The following PID1 variants were observed in gnomAD, a reference collection of about 807,000 sequenced individuals.
PID1 encodes the protein phosphotyrosine interaction domain containing 1.
Under a neutral mutation model 19.1 loss-of-function variants are expected in PID1, and 10 were observed. The observed-to-expected ratio is 0.52, with a 90% CI of 0.32 to 0.89. The LOEUF is 0.89. Ranked by LOEUF, PID1 falls within the 40% of genes least tolerant of loss-of-function variation. The pLI, the probability that PID1 is intolerant of heterozygous loss-of-function variation, is 0.03. For missense variants in PID1, 248 were observed against 285.3 expected (o/e 0.87, Z 0.94); for synonymous variants, 130 against 116.0 (o/e 1.12, Z -0.78).
rs527596124 is a variant in PID1, at chr2:229,233,386, T to C, written c.30+37628A>G. 2.0e-5 allele frequency among the ~76,000 whole-genome samples: 3 copies of C among 151,914 alleles called. No homozygotes were observed. In the East Asian group the frequency reaches 5.8e-4, roughly 29 times the overall value. On this transcript the variant is annotated intron_variant, in intron 1 of 2. Coordinates refer to ENST00000392055, the MANE Select transcript of PID1 (RefSeq NM_001100818.2). ...TTGAACTACTTAATAGTTCTAGATG[T>C]ACATGGGCAGGGTGGGGATGGGGCT...
chr2:229,099,757 A>G (rs1387821769), intron 2 of PID1, among the ~76,000 whole-genome samples: 1 of 152,250 alleles, frequency 6.6e-6, no homozygotes, highest in Non-Finnish European at 1.5e-5. Context: ...GGAAAGAAGT[A>G]GAAAGTGATT....
At chr2:229,103,086 C>G (rs189576389) in intron 2 of PID1, among the ~76,000 whole-genome samples, 8 of 152,268 alleles carry the variant, frequency 5.3e-5, no homozygotes, top group Admixed American at 4.6e-4. Context: ...AAAGGTTCCT[C>G]TTTTTGAATC....
At chr2:229,030,465 T>C (rs1182922770) in intron 2 of PID1, among the ~76,000 whole-genome samples, 4 of 152,182 alleles carry the variant, frequency 2.6e-5, no homozygotes, top group Admixed American at 1.3e-4. Flanking sequence ...GAAAAAAGCA[T>C]ACGGAGGAAA....
intron 2 of PID1, among the ~76,000 whole-genome samples, chr2:229,085,711 T>C (rs929734287): frequency 2.0e-5 from 3 of 152,154 alleles, no homozygotes; most frequent in Non-Finnish European, 4.4e-5. Context: ...CAATCAAGTA[T>C]GCCCTTTGTC....
chr2:229,113,509 C>CATAT (rs3067619), intron 2 of PID1, among the ~76,000 whole-genome samples: 40,918 of 137,816 alleles, frequency 0.3, 6,341 homozygotes, highest in Non-Finnish European at 0.36. Flanking sequence ...TGTGTGTATA[C>CATAT]ATATATATAT....
intron 1 of PID1, among the ~76,000 whole-genome samples, chr2:229,168,497 T>C (rs1690647854): frequency 6.6e-6 from 1 of 152,196 alleles, no homozygotes; most frequent in African/African-American, 2.4e-5. Context: ...GTTGTCATTG[T>C]TTCTGCTATT....
chr2:229,045,325 T>C (rs55657175), intron 2 of PID1, among the ~76,000 whole-genome samples: 3,320 of 152,346 alleles, frequency 0.022, 57 homozygotes, highest in Admixed American at 0.036. Flanking sequence ...TAAGTGATAA[T>C]AGTTGATTAA....
At chr2:229,135,593 G>T (rs1314288689) in intron 2 of PID1, among the ~76,000 whole-genome samples, 1 of 152,146 alleles carries the variant, frequency 6.6e-6, no homozygotes, top group Non-Finnish European at 1.5e-5. Flanking sequence ...GCAAAGTATT[G>T]TATAGAAAGG....
At chr2:229,228,190 C>A in intron 1 of PID1, 1 of 370,274 alleles carries the variant, frequency 2.7e-6, no homozygotes, top group Non-Finnish European at 5.4e-6. Context: ...AGCAATTATT[C>A]ATCTCTACTT....
rs906449953 is a variant in PID1 at position 229,024,673 on chromosome 2, T to G, written c.*959A>C. The G allele has an allele frequency of 1.3e-5, 2 of 152,658 alleles. No homozygotes were observed. The highest frequency in any genetic ancestry group is 4.8e-5 in the African/African-American group (2 of 41,454). The allele number at this position is 152,658 out of a possible 1,614,324, so 9.5% of individuals were successfully genotyped here. Reference sequence around the variant, plus strand: ...CAGATTTGAAGCTTGCCATCAAGGATGCATCAGACAGGACCATTAATTAAA... The same window carrying G: ...CAGATTTGAAGCTTGCCATCAAGGAGGCATCAGACAGGACCATTAATTAAA... On this transcript the variant is annotated 3_prime_UTR_variant, in exon 3 of 3. Transcript: ENST00000392055.
intron 1 of PID1, among the ~76,000 whole-genome samples, chr2:229,212,199 C>G (rs1691752507): frequency 6.6e-6 from 1 of 152,150 alleles, no homozygotes; most frequent in African/African-American, 2.4e-5. Flanking sequence ...TTATTTTTTC[C>G]TAAGTCATGT....
intron 2 of PID1, among the ~76,000 whole-genome samples, chr2:229,137,630 G>A (rs896723287): frequency 6.6e-5 from 10 of 152,302 alleles, no homozygotes; most frequent in Admixed American, 2.0e-4. Flanking sequence ...TCTAGGTGCT[G>A]AAAGACTTAC....
At chr2:229,033,363 C>T (rs1693595157) in intron 2 of PID1, among the ~76,000 whole-genome samples, 1 of 152,106 alleles carries the variant, frequency 6.6e-6, no homozygotes, top group South Asian at 2.1e-4. Context: ...GAATGACAAG[C>T]CAAGAATAAA....
At chr2:229,252,617 G>A (rs1349615076) in intron 1 of PID1, among the ~76,000 whole-genome samples, 1 of 152,156 alleles carries the variant, frequency 6.6e-6, no homozygotes, top group Non-Finnish European at 1.5e-5. Context: ...ACATAAATTA[G>A]TAGGTTTTTT....
At chr2:229,067,960 T>C (rs558236658) in intron 2 of PID1, among the ~76,000 whole-genome samples, 1 of 152,314 alleles carries the variant, frequency 6.6e-6, no homozygotes, top group African/African-American at 2.4e-5. Context: ...AAAGCTTTCC[T>C]TGAAGTCTCC....
At position 229,024,700 on chromosome 2, in the gene PID1, A is replaced by C. The variant is rs2106159101; in HGVS notation, c.*932T>G. 6.5e-6 allele frequency: 1 copy of C among 152,754 alleles called. No homozygotes were observed. Among genetic ancestry groups the C allele is most frequent in the Non-Finnish European group, 1.5e-5 (1 of 68,032 alleles). 9.5% of individuals were successfully genotyped at this position (152,754 alleles called of 1,614,324 possible). A position where few individuals can be genotyped will look rare whatever the true frequency, so the allele number is the denominator to read the frequency against. ...CATCAGACAGGACCATTAATTAAATAAGTTACCATAAATCTCAGCTGGATA... is the reference window on the plus strand; with the variant it reads ...CATCAGACAGGACCATTAATTAAATCAGTTACCATAAATCTCAGCTGGATA... On this transcript the variant is annotated 3_prime_UTR_variant, in exon 3 of 3. Coordinates refer to ENST00000392055, the MANE Select transcript of PID1 (RefSeq NM_001100818.2).
At chr2:229,093,130 T>G (rs1445567447) in intron 2 of PID1, among the ~76,000 whole-genome samples, 1 of 60,340 alleles carries the variant, frequency 1.7e-5, no homozygotes, top group Non-Finnish European at 4.7e-5. Flanking sequence ...TTCTTTCTTT[T>G]TCTTTTTCTT....
chr2:229,126,515 T>C (rs777539842), intron 2 of PID1, among the ~76,000 whole-genome samples: 89 of 152,188 alleles, frequency 5.8e-4, no homozygotes, highest in Non-Finnish European at 1.0e-3. Context: ...TGTGAATTAA[T>C]GACTCTTCAT....
intron 1 of PID1, among the ~76,000 whole-genome samples, chr2:229,228,737 A>AG (rs1692137776): frequency 6.6e-6 from 1 of 151,306 alleles, no homozygotes; most frequent in African/African-American, 2.4e-5. Context: ...ACAAAAAGGT[A>AG]TCTGCTAAAA....
Sources: allele counts gnomAD v4.1 joint callset (sites outside exome capture counted in the v4.1 genomes callset), GRCh38; gene constraint gnomAD v4.1.1; transcripts MANE v1.5; gene names NCBI Gene and HGNC (gene_info 2026-07-23, HGNC 2026-07-21).